Variants in MYO10 observed in about 807,000 individuals in gnomAD.
MYO10 encodes the protein unconventional myosin-X.
Under a neutral mutation model 257.3 loss-of-function variants are expected in MYO10, and 133 were observed. That is an observed-to-expected ratio of 0.52 (90% CI 0.45 to 0.60). The LOEUF (loss-of-function observed/expected upper bound fraction) is 0.60. Among genes scored for constraint, MYO10 ranks in the 20% least tolerant of loss-of-function variants. The pLI, the probability that MYO10 is intolerant of heterozygous loss-of-function variation, is 0.00. For synonymous variants in MYO10, 1,104 were observed against 1,028.6 expected, an observed-to-expected ratio of 1.07 and a Z score of -1.40; for missense variants, 2,399 against 2,635.7, an observed-to-expected ratio of 0.91 and a Z score of 1.97.
intron 2 of MYO10, among the ~76,000 whole-genome samples, chr5:16,876,801 C>T (rs954528703): frequency 1.3e-5 from 2 of 152,104 alleles, no homozygotes; most frequent in East Asian, 3.9e-4. Context: ...GTGATCTGTC[C>T]GACTCGGCCT....
intron 19 of MYO10, among the ~76,000 whole-genome samples, chr5:16,741,051 C>T (rs988727548): frequency 4.6e-5 from 7 of 152,202 alleles, no homozygotes; most frequent in South Asian, 2.1e-4. Flanking sequence ...ACAATGAAAA[C>T]ACCTCCCTTC....
intron 3 of MYO10, among the ~76,000 whole-genome samples, chr5:16,811,979 T>C (rs1486430881): frequency 6.6e-6 from 1 of 152,136 alleles, no homozygotes; most frequent in Non-Finnish European, 1.5e-5. Context: ...CTCCTCTCCT[T>C]AGCGGGTATT....
intron 26 of MYO10, among the ~76,000 whole-genome samples, chr5:16,698,930 T>C (rs551148018): frequency 3.3e-5 from 5 of 152,078 alleles, no homozygotes; most frequent in Non-Finnish European, 5.9e-5. Flanking sequence ...GCCGAGAACA[T>C]GCAGTTTATC....
At chr5:16,715,581 TGAGCCAC>T (rs1738831813) in intron 19 of MYO10, among the ~76,000 whole-genome samples, 1 of 10,838 alleles carries the variant, frequency 9.2e-5, no homozygotes, top group African/African-American at 1.6e-4. Flanking sequence ...ATTACAGGCA[TGAGCCAC>T]CTCACCCAGC....
At position 16,663,335 on chromosome 5, in the gene MYO10, T is replaced by G. The variant is rs922145247; in HGVS notation, c.*3357A>C. 5.7e-5 allele frequency: 2 copies of G among 35,312 alleles called. No individual in the cohort carries two copies. Among genetic ancestry groups the G allele is most frequent in the African/African-American group, 1.7e-4 (2 of 11,870 alleles). The allele number at this position is 35,312 out of a possible 1,614,324, so 2.2% of individuals were successfully genotyped here. On this transcript the variant is annotated 3_prime_UTR_variant, in exon 41 of 41. Coordinates refer to ENST00000513610, the MANE Select transcript of MYO10 (RefSeq NM_012334.3). The stretch of plus-strand genomic sequence containing the variant: ...AACATTTTACTTCTAGTTGTTTTTT[T>G]TTTTTTTTTTTTTTTTTTTTTTTTT...
At position 16,796,434 on chromosome 5, in the gene MYO10, A is replaced by AGAC. The variant is rs1389615812; in HGVS notation, c.280-1602_280-1601insGTC. ...AAGGAAAGAAAGGAAAAAGAAAGAA[A>AGAC]AGAAAGACAGAAAGAAAGAAAGAAA... On this transcript the variant is annotated intron_variant, in intron 3 of 40. Coordinates refer to ENST00000513610, the MANE Select transcript of MYO10 (RefSeq NM_012334.3). Among the ~76,000 whole-genome samples, 8 of 87,832 alleles carry AGAC rather than the reference A, an allele frequency of 9.1e-5. No individual in the cohort carries two copies. In the South Asian group the frequency reaches 1.9e-3, roughly 21 times the overall value. The allele number at this position is 87,832 out of a possible 152,430, so 57.6% of individuals were successfully genotyped here.
At chr5:16,683,504 CGTTAA>C (rs1561178863) in intron 30 of MYO10, among the ~76,000 whole-genome samples, 1 of 152,162 alleles carries the variant, frequency 6.6e-6, no homozygotes, top group Non-Finnish European at 1.5e-5. Context: ...TCAAGTTTAT[CGTTAA>C]GTTCAGAAAG....
At chr5:16,921,194 GA>G (rs1272976040) in intron 1 of MYO10, among the ~76,000 whole-genome samples, 1 of 151,462 alleles carries the variant, frequency 6.6e-6, no homozygotes, top group Non-Finnish European at 1.5e-5. Context: ...ATATATGTGG[GA>G]GAAGGCAGCA....
At chr5:16,835,444 A>G (rs1303235847) in intron 2 of MYO10, among the ~76,000 whole-genome samples, 1 of 140,130 alleles carries the variant, frequency 7.1e-6, no homozygotes, top group Admixed American at 7.1e-5. Flanking sequence ...GAGGCACAAG[A>G]AGCTGAGGTT....
At position 16,713,455 on chromosome 5, in the gene MYO10, C is replaced by T. The variant is rs147098912; in HGVS notation, c.1930-2210G>A. The T allele has an allele frequency of 4.1e-6, 4 of 985,790 alleles. No individual in the cohort carries two copies. The African/African-American group carries it at 5.2e-5, about 13-fold the overall frequency. The allele number at this position is 985,790 out of a possible 1,614,324, so 61.1% of individuals were successfully genotyped here. A position where few individuals can be genotyped will look rare whatever the true frequency, so the allele number is the denominator to read the frequency against. On this transcript the variant is annotated intron_variant, in intron 19 of 40. Coordinates refer to ENST00000513610, the MANE Select transcript of MYO10 (RefSeq NM_012334.3). ...AAAGACATGGAACAATAATGAACAC[C>T]ATTCCTGTGCTTTAAAAAGTGCCCG... is the stretch of plus-strand genomic sequence containing the variant.
In MYO10 at chr5:16,850,052, C is replaced by T. The variant is rs572285296; in HGVS notation, c.120+27557G>A. On this transcript the variant is annotated intron_variant, in intron 2 of 40. Coordinates refer to ENST00000513610, the MANE Select transcript of MYO10 (RefSeq NM_012334.3). ...GTCTGATCCTAATGGCAACTTTAGA[C>T]CCGGAATTTCTATAAGACAAAGAGG... Among the ~76,000 whole-genome samples, 257 of 152,232 alleles carry T rather than the reference C, an allele frequency of 1.7e-3. 1 individual carries two copies. The highest frequency in any genetic ancestry group is 6.0e-3 in the African/African-American group (250 of 41,542).
intron 35 of MYO10, 126 bp downstream of exon 35, chr5:16,674,727 A>T: frequency 1.8e-6 from 2 of 1,105,064 alleles, no homozygotes; most frequent in Non-Finnish European, 1.3e-6. Context: ...CACAAGTCTG[A>T]CCCAGAGGTC....
In MYO10 at chr5:16,783,385, C is replaced by A. The variant is rs769591911; in HGVS notation, c.552G>T (p.Leu184Phe). Residue 184 changes from leucine (L) to phenylalanine (F), a missense_variant, in exon 5 of 41, where the codon TTG becomes TTT. Coordinates refer to ENST00000513610, the MANE Select transcript of MYO10 (RefSeq NM_012334.3). ...LSVISQQSLE[L>F]SLKEKTSCVE... Reference sequence around the variant, plus strand: ...CACAGGATGTCTTCTCCTTTAAGGACAATTCCAAAGACTGTTGACTGATGA... The same window carrying A: ...CACAGGATGTCTTCTCCTTTAAGGAAAATTCCAAAGACTGTTGACTGATGA... The A allele has an allele frequency of 6.2e-7, 1 of 1,605,322 alleles. No individual in the cohort carries two copies. Among genetic ancestry groups the A allele is most frequent in the Middle Eastern group, 1.7e-4 (1 of 6,056 alleles).
chr5:16,666,674 G>C lies in MYO10; in HGVS notation c.*18C>G. 1 of 1,578,612 alleles carries C rather than the reference G, an allele frequency of 6.3e-7. No homozygotes were observed. On this transcript the variant is annotated 3_prime_UTR_variant, in exon 41 of 41. Coordinates refer to ENST00000513610, the MANE Select transcript of MYO10 (RefSeq NM_012334.3). Reference sequence around the variant, plus strand: ...TGGTGCGTTCAGGTAGCAAAGACAGGTGGGCTCTGTCCCGCCTTCACCTGG... The same window carrying C: ...TGGTGCGTTCAGGTAGCAAAGACAGCTGGGCTCTGTCCCGCCTTCACCTGG...
rs913420895 is a variant in MYO10, at chr5:16,698,823, C to T, written c.3556+627G>A. Reference sequence around the variant, plus strand: ...TATTTTTAGTAGAGACGGCGTTTCACTGTGTTAGCCAGGATGGTCTCGATC... The same window carrying T: ...TATTTTTAGTAGAGACGGCGTTTCATTGTGTTAGCCAGGATGGTCTCGATC... On this transcript the variant is annotated intron_variant, in intron 26 of 40. Transcript: ENST00000513610. Among the ~76,000 whole-genome samples, 4 of 145,058 alleles carry T rather than the reference C, an allele frequency of 2.8e-5. 1 individual carries two copies. Among genetic ancestry groups the T allele is most frequent in the African/African-American group, 1.1e-4 (4 of 34,936 alleles).
intron 2 of MYO10, among the ~76,000 whole-genome samples, chr5:16,868,598 C>T (rs1293208519): frequency 1.3e-5 from 2 of 151,690 alleles, no homozygotes; most frequent in African/African-American, 4.8e-5. Context: ...GAGCAAGACT[C>T]CGTCTCAAAA....
At position 16,762,115 on chromosome 5, in the gene MYO10, T is replaced by TAAAAAAAAAAA. The variant is rs746751894; in HGVS notation, c.1588-13_1588-3dup. 2.6e-5 allele frequency: 15 copies of TAAAAAAAAAAA among 567,604 alleles called. No individual in the cohort carries two copies. Among genetic ancestry groups the TAAAAAAAAAAA allele is most frequent in the African/African-American group, 2.3e-4 (7 of 29,928 alleles). The allele number at this position is 567,604 out of a possible 1,614,324, so 35.2% of individuals were successfully genotyped here. ...GGGCTTCACATAAAAGTGGTTATTC[T>TAAAAAAAAAAA]AAAAAAAAAAAAAAAAAAAAAAAAA... is the stretch of plus-strand genomic sequence containing the variant. On this transcript the variant is annotated splice_polypyrimidine_tract_variant and splice_region_variant and intron_variant, in intron 15 of 40. Transcript: ENST00000513610.
At chr5:16,904,561 G>A (rs1167100307) in intron 1 of MYO10, among the ~76,000 whole-genome samples, 1 of 152,196 alleles carries the variant, frequency 6.6e-6, no homozygotes, top group South Asian at 2.1e-4. Context: ...GGGACGCCCA[G>A]CTGGTGTCTG....
chr5:16,687,876 T>C (rs1426056242), intron 28 of MYO10, among the ~76,000 whole-genome samples: 3 of 152,182 alleles, frequency 2.0e-5, no homozygotes, highest in African/African-American at 7.2e-5. Flanking sequence ...AGGAATCACA[T>C]ACACAAAGGC....
Sources: allele counts gnomAD v4.1 joint callset (sites outside exome capture counted in the v4.1 genomes callset), GRCh38; gene constraint gnomAD v4.1.1; transcripts MANE v1.5; gene names NCBI Gene and HGNC (gene_info 2026-07-23, HGNC 2026-07-21).